The following HIBADH variants were observed in gnomAD, a reference collection of about 807,000 sequenced individuals.
HIBADH encodes 3-hydroxyisobutyrate dehydrogenase, mitochondrial.
Under a neutral mutation model 36.1 loss-of-function variants are expected in HIBADH, and 25 were observed. That is an observed-to-expected ratio of 0.69 (90% CI 0.50 to 0.97). The LOEUF is 0.97. HIBADH is among the 50% of genes least tolerant of loss of function. HIBADH has a pLI of 0.00. For missense variants in HIBADH, 421 were observed against 418.0 expected, an observed-to-expected ratio of 1.01 and a Z score of -0.06; for synonymous variants, 160 against 149.5, an observed-to-expected ratio of 1.07 and a Z score of -0.51.
chr7:27,629,064 CT>C (rs1785698924), intron 4 of HIBADH, among the ~76,000 whole-genome samples: 1 of 151,820 alleles, frequency 6.6e-6, no homozygotes, highest in Non-Finnish European at 1.5e-5. Flanking sequence ...ATTATTTAAG[CT>C]GATTTTTTTT....
chr7:27,639,490 C>T (rs1483922349), intron 2 of HIBADH, among the ~76,000 whole-genome samples: 2 of 152,058 alleles, frequency 1.3e-5, no homozygotes, highest in Non-Finnish European at 2.9e-5. Flanking sequence ...TGCCAGGTAC[C>T]GTGCTTATTA....
chr7:27,543,123 G>A (rs565454335), intron 4 of HIBADH, 23 bp from the exon 5 acceptor site: 17 of 1,611,176 alleles, frequency 1.1e-5, no homozygotes, highest in Middle Eastern at 1.7e-4. Flanking sequence ...GGGGTAAAGG[G>A]ATAGAAGCAA....
At chr7:27,599,110 G>C (rs932150441) in intron 4 of HIBADH, among the ~76,000 whole-genome samples, 1 of 151,986 alleles carries the variant, frequency 6.6e-6, no homozygotes, top group Non-Finnish European at 1.5e-5. Flanking sequence ...TTACGGAAAG[G>C]GAATAATTAA....
At chr7:27,581,684 C>T (rs547986170) in intron 4 of HIBADH, among the ~76,000 whole-genome samples, 6 of 152,218 alleles carry the variant, frequency 3.9e-5, no homozygotes, top group African/African-American at 9.6e-5. Context: ...ATATACTTAT[C>T]GCTTTTTCTA....
intron 4 of HIBADH, among the ~76,000 whole-genome samples, chr7:27,615,050 T>A (rs963771992): frequency 3.3e-5 from 5 of 152,204 alleles, no homozygotes; most frequent in Admixed American, 1.3e-4. Context: ...ATGTTAAGAT[T>A]ATAAAATAGC....
chr7:27,613,640 T>TTTG (rs199751619), intron 4 of HIBADH, among the ~76,000 whole-genome samples: 10 of 139,342 alleles, frequency 7.2e-5, no homozygotes, highest in Non-Finnish European at 1.5e-4. Context: ...AGTGGGGTTT[T>TTTG]TTGTTGTTGT....
chr7:27,613,022 ATAT>A (rs1453999883), intron 4 of HIBADH, among the ~76,000 whole-genome samples: 59 of 134,252 alleles, frequency 4.4e-4, no homozygotes, highest in African/African-American at 1.1e-3. Flanking sequence ...AAAAATATAT[ATAT>A]TATATTTACA....
At chr7:27,547,535 G>C (rs1784251435) in intron 4 of HIBADH, among the ~76,000 whole-genome samples, 1 of 152,162 alleles carries the variant, frequency 6.6e-6, no homozygotes, top group African/African-American at 2.4e-5. Flanking sequence ...ATTCTCAGGA[G>C]GCAAGAGAGA....
chr7:27,618,326 A>G (rs1785470445), intron 4 of HIBADH, among the ~76,000 whole-genome samples: 1 of 152,224 alleles, frequency 6.6e-6, no homozygotes, highest in Non-Finnish European at 1.5e-5. Flanking sequence ...ACCACTCTGT[A>G]TAGCATGGCA....
intron 1 of HIBADH, 87 bp downstream of exon 1, chr7:27,662,611 T>A (rs1467589745): frequency 2.4e-6 from 2 of 845,282 alleles, no homozygotes; most frequent in Non-Finnish European, 3.3e-6. Context: ...CCGCAGGGCC[T>A]CCCGAGAAAA....
At chr7:27,608,959 C>T (rs1273945545) in intron 4 of HIBADH, among the ~76,000 whole-genome samples, 1 of 152,184 alleles carries the variant, frequency 6.6e-6, no homozygotes, top group Non-Finnish European at 1.5e-5. Flanking sequence ...AGAATAGAGC[C>T]TGGCAAGAAC....
intron 6 of HIBADH, among the ~76,000 whole-genome samples, chr7:27,533,240 G>C (rs2128183171): frequency 6.6e-6 from 1 of 152,230 alleles, no homozygotes; most frequent in Non-Finnish European, 1.5e-5. Flanking sequence ...GGTGAGCAAA[G>C]CTAATTATCC....
intron 4 of HIBADH, among the ~76,000 whole-genome samples, chr7:27,590,770 G>T (rs1258524929): frequency 6.6e-6 from 1 of 152,074 alleles, no homozygotes; most frequent in Non-Finnish European, 1.5e-5. Context: ...TTCAAAGTTT[G>T]GTCATAATAT....
At chr7:27,603,609 A>C (rs921859212) in intron 4 of HIBADH, among the ~76,000 whole-genome samples, 3 of 152,172 alleles carry the variant, frequency 2.0e-5, no homozygotes, top group Non-Finnish European at 2.9e-5. Flanking sequence ...AGCCACATTA[A>C]CTGTGTCCTA....
chr7:27,596,619 T>C (rs776772908), intron 4 of HIBADH, among the ~76,000 whole-genome samples: 6 of 152,230 alleles, frequency 3.9e-5, no homozygotes, highest in Non-Finnish European at 7.3e-5. Context: ...ATAGCAGAAG[T>C]CTGCCTACAA....
At chr7:27,651,892 A>G (rs926832876) in intron 1 of HIBADH, among the ~76,000 whole-genome samples, 10 of 152,212 alleles carry the variant, frequency 6.6e-5, no homozygotes, top group Admixed American at 6.6e-4. Flanking sequence ...TGGGAACTTG[A>G]GGAATGTGGC....
At chr7:27,630,153 C>A (rs561155228) in intron 3 of HIBADH, among the ~76,000 whole-genome samples, 47 of 152,266 alleles carry the variant, frequency 3.1e-4, no homozygotes, top group African/African-American at 1.0e-3. Flanking sequence ...TCTATCTTCA[C>A]TAGCTAGGAA....
At chr7:27,619,742 A>AT (rs1356625161) in intron 4 of HIBADH, among the ~76,000 whole-genome samples, 4 of 152,208 alleles carry the variant, frequency 2.6e-5, no homozygotes, top group Admixed American at 6.5e-5. Context: ...TTGAAGATAG[A>AT]TTTTTTGAAA....
intron 3 of HIBADH, among the ~76,000 whole-genome samples, 160 bp from the exon 4 acceptor site, chr7:27,629,652 A>G (rs1472000288): frequency 6.6e-6 from 1 of 152,142 alleles, no homozygotes; most frequent in Non-Finnish European, 1.5e-5. Flanking sequence ...TAAAAATCTC[A>G]TTCTTTTTGA....
Sources: allele counts gnomAD v4.1 joint callset (sites outside exome capture counted in the v4.1 genomes callset), GRCh38; gene constraint gnomAD v4.1.1; transcripts MANE v1.5; gene names NCBI Gene and HGNC (gene_info 2026-07-23, HGNC 2026-07-21).